The following IGSF10 variants were observed in gnomAD, a reference collection of about 807,000 sequenced individuals.
The protein encoded by IGSF10 is calvaria mechanical force protein 608.
IGSF10 carries 126 observed loss-of-function variants against 128.2 expected under a neutral mutation model. The observed-to-expected ratio is 0.98, with a 90% CI of 0.85 to 1.14. The LOEUF (loss-of-function observed/expected upper bound fraction) is 1.14. Ranked by LOEUF, IGSF10 falls within the 50% of genes most tolerant of loss-of-function variation. The pLI is 0.00. For missense variants in IGSF10, 3,295 were observed against 3,149.8 expected (o/e 1.05, Z -1.10); for synonymous variants, 1,185 against 1,146.2 (o/e 1.03, Z -0.68).
At chr3:151,536,897 A>T in the IGSF10 span, among the ~76,000 whole-genome samples, 3 of 152,168 alleles carry the variant, frequency 2.0e-5, no homozygotes, top group Admixed American at 6.5e-5. Context: ...TTAATATCAG[A>T]AAGACACAGG....
the IGSF10 span, among the ~76,000 whole-genome samples, chr3:151,583,759 A>G: frequency 6.6e-6 from 1 of 152,230 alleles, no homozygotes; most frequent in Non-Finnish European, 1.5e-5. Flanking sequence ...TAATTTCCAG[A>G]CATTTGAAAA....
At chr3:151,596,552 G>T in the IGSF10 span, among the ~76,000 whole-genome samples, 1 of 152,100 alleles carries the variant, frequency 6.6e-6, no homozygotes, top group Non-Finnish European at 1.5e-5. Context: ...TGCTACAATT[G>T]CCTATGTGTA....
the IGSF10 span, among the ~76,000 whole-genome samples, chr3:151,537,365 C>T: frequency 6.6e-6 from 1 of 152,080 alleles, no homozygotes; most frequent in Non-Finnish European, 1.5e-5. Flanking sequence ...GAATAACAAG[C>T]TATTGATTTT....
At chr3:151,582,890 C>T in the IGSF10 span, among the ~76,000 whole-genome samples, 1 of 152,138 alleles carries the variant, frequency 6.6e-6, no homozygotes, top group Non-Finnish European at 1.5e-5. Context: ...TATTCTTTAT[C>T]AGTTTAATAA....
the IGSF10 span, among the ~76,000 whole-genome samples, chr3:151,529,287 G>C: frequency 6.6e-6 from 1 of 152,218 alleles, no homozygotes; most frequent in African/African-American, 2.4e-5. Context: ...AGCTTCAGCA[G>C]ATGTAAACGT....
the IGSF10 span, among the ~76,000 whole-genome samples, chr3:151,524,987 A>AC: frequency 7.5e-6 from 1 of 133,248 alleles, no homozygotes; most frequent in Non-Finnish European, 1.6e-5. Flanking sequence ...TAACAATTTT[A>AC]AAAATGCATT....
the IGSF10 span, among the ~76,000 whole-genome samples, chr3:151,521,248 C>A: frequency 6.6e-6 from 1 of 152,082 alleles, no homozygotes; most frequent in Admixed American, 6.6e-5. Context: ...TACAGAGAGA[C>A]ATAGACTCCC....
chr3:151,606,493 CA>C, the IGSF10 span, among the ~76,000 whole-genome samples: 2 of 152,220 alleles, frequency 1.3e-5, no homozygotes, highest in African/African-American at 4.8e-5. Flanking sequence ...CATATTTCTA[CA>C]ACATGACTTT....
chr3:151,452,476 C>G (rs888111398), intron 5 of IGSF10, among the ~76,000 whole-genome samples: 3 of 152,076 alleles, frequency 2.0e-5, no homozygotes, highest in Non-Finnish European at 4.4e-5. Flanking sequence ...TTTATGATGG[C>G]TACAATGTCA....
the IGSF10 span, among the ~76,000 whole-genome samples, chr3:151,543,413 T>G: frequency 3.3e-5 from 5 of 152,198 alleles, no homozygotes; most frequent in East Asian, 9.6e-4. Context: ...CCCCCACACC[T>G]GCAGCTGCAC....
intron 4 of IGSF10, among the ~76,000 whole-genome samples, chr3:151,456,335 G>A (rs532850947): frequency 6.6e-6 from 1 of 152,282 alleles, no homozygotes; most frequent in East Asian, 1.9e-4. Flanking sequence ...TATTTTATGA[G>A]GAGCTTTGTA....
At chr3:151,603,969 A>T in the IGSF10 span, among the ~76,000 whole-genome samples, 1 of 152,204 alleles carries the variant, frequency 6.6e-6, no homozygotes, top group African/African-American at 2.4e-5. Flanking sequence ...GGATGTGTTT[A>T]TCTTATTTTC....
At chr3:151,489,032 CA>C in the IGSF10 span, among the ~76,000 whole-genome samples, 1 of 152,172 alleles carries the variant, frequency 6.6e-6, no homozygotes, top group Non-Finnish European at 1.5e-5. Flanking sequence ...TCAGAATGAA[CA>C]AGCAACCTAC....
chr3:151,511,033 A>T, the IGSF10 span, among the ~76,000 whole-genome samples: 2 of 152,330 alleles, frequency 1.3e-5, no homozygotes, highest in East Asian at 3.9e-4. Flanking sequence ...CAGTTGGAAA[A>T]CACTCTTCAG....
chr3:151,529,380 G>A, the IGSF10 span, among the ~76,000 whole-genome samples: 1 of 152,208 alleles, frequency 6.6e-6, no homozygotes, highest in Non-Finnish European at 1.5e-5. Context: ...GTCTCCTCAA[G>A]TGGGTTGCTG....
the IGSF10 span, among the ~76,000 whole-genome samples, chr3:151,602,369 T>G: frequency 6.6e-6 from 1 of 152,204 alleles, no homozygotes; most frequent in East Asian, 1.9e-4. Flanking sequence ...CTGTGCTCAA[T>G]CTTTATATTC....
rs935386494 is a variant in IGSF10 at position 151,457,040 on chromosome 3, A to C, written c.310T>G (p.Leu104Val). 1 of 1,614,080 alleles carries C rather than the reference A, an allele frequency of 6.2e-7. No homozygotes were observed. The highest frequency in any genetic ancestry group is 1.3e-5 in the African/African-American group (1 of 74,920). ...ATCAGTCTCACCTGCAAGGCCTGCA[A>C]ATCTGAGAAGGTCTTGTCAGGGATT... ...HTIPDKTFSD[L>V]QALQVLKMSY... The change falls in exon 4 of 8, where the codon TTG becomes GTG. Residue 104 changes from leucine (L) to valine (V), a missense_variant. Leu to Val is a conservative substitution (Grantham distance 32). Coordinates refer to ENST00000282466, the MANE Select transcript of IGSF10 (RefSeq NM_178822.5).
the IGSF10 span, among the ~76,000 whole-genome samples, chr3:151,505,339 G>T: frequency 1.3e-5 from 2 of 152,206 alleles, no homozygotes; most frequent in African/African-American, 4.8e-5. Flanking sequence ...ATCAGATCTC[G>T]TGAGGACTTA....
chr3:151,444,237 G>A (rs1488976922), intron 6 of IGSF10, among the ~76,000 whole-genome samples: 1 of 151,842 alleles, frequency 6.6e-6, no homozygotes, highest in Non-Finnish European at 1.5e-5. Flanking sequence ...CTCCACCCTA[G>A]GTGACAGACC....
Sources: gnomAD v4.1 joint callset for allele counts (sites outside exome capture counted in the v4.1 genomes callset) on GRCh38, gnomAD v4.1.1 for gene constraint, MANE v1.5 for transcripts, NCBI Gene and HGNC (gene_info 2026-07-23, HGNC 2026-07-21) for gene names.